Variants in SEC31A observed in about 807,000 individuals in gnomAD.
SEC31A encodes the protein SEC31 homolog A, COPII component, also known as protein transport protein Sec31A.
In SEC31A, 70 loss-of-function variants were observed where a neutral mutation model predicts 151.0. The observed-to-expected ratio is 0.46, with a 90% confidence interval of 0.38 to 0.57. The LOEUF (loss-of-function observed/expected upper bound fraction) is 0.57, where lower values mean the gene tolerates loss of function less well. SEC31A is among the 20% of genes least tolerant of loss of function. SEC31A has a pLI of 0.00. For synonymous variants in SEC31A, 475 were observed against 505.9 expected, an observed-to-expected ratio of 0.94 and a Z score of 0.82; for missense variants, 1,330 against 1,471.2, an observed-to-expected ratio of 0.90 and a Z score of 1.57.
At position 82,857,049 on chromosome 4, in the gene SEC31A, A is replaced by G; in HGVS notation, c.1784T>C (p.Met595Thr). The G allele has an allele frequency of 6.2e-7, 1 of 1,614,134 alleles. No individual in the cohort carries two copies. The highest frequency in any genetic ancestry group is 1.7e-5 in the Admixed American group (1 of 60,016). ...AVDLCLHDNR[M>T]ADAIILAIAG... ...TATGGCCAATATAATGGCATCGGCC[A>G]TGCGGTTATCATGTAAACAAAGGTC... The change falls in exon 16 of 27, where the codon ATG (methionine) becomes ACG (threonine). Residue 595 changes from methionine to threonine, a missense_variant. Transcript: ENST00000395310.
intron 7 of SEC31A, 43 bp downstream of exon 7, chr4:82,871,901 A>G: frequency 1.2e-6 from 2 of 1,613,318 alleles, no homozygotes; most frequent in Non-Finnish European, 1.7e-6. Context: ...CGACATGTTC[A>G]GAAAATAAAC....
chr4:82,849,088 T>A (rs1397700217), intron 19 of SEC31A, 111 bp from the exon 20 acceptor site: 7 of 983,606 alleles, frequency 7.1e-6, no homozygotes, highest in Non-Finnish European at 1.1e-5. Context: ...TTGTTCATAA[T>A]GCTGGGTATT....
At chr4:82,849,031 C>G (rs1730839923) in intron 19 of SEC31A, 54 bp from the exon 20 acceptor site, 2 of 1,471,798 alleles carry the variant, frequency 1.4e-6, no homozygotes, top group South Asian at 2.5e-5. Context: ...AGGTATATGA[C>G]AGCATGTTAA....
intron 12 of SEC31A, 25 bp downstream of exon 12, chr4:82,863,293 C>T (rs1247388611): frequency 2.4e-6 from 3 of 1,275,616 alleles, no homozygotes; most frequent in African/African-American, 3.0e-5. Context: ...AAAGAGCATG[C>T]CATCTAACTT....
At chr4:82,841,487 A>G (rs1450219040) in intron 22 of SEC31A, among the ~76,000 whole-genome samples, 1 of 88,276 alleles carries the variant, frequency 1.1e-5, no homozygotes, top group Admixed American at 1.5e-4. Flanking sequence ...CTAAAAATAC[A>G]AAAATTAGCT....
intron 22 of SEC31A, among the ~76,000 whole-genome samples, chr4:82,839,180 C>T (rs1251822023): frequency 7.3e-5 from 11 of 151,310 alleles, no homozygotes; most frequent in African/African-American, 7.3e-5. Flanking sequence ...GATGGAGTTA[C>T]GCTCTTGTTG....
Position 82,856,984 on chromosome 4 carries a change from A to AT in SEC31A, c.1848dup (p.Tyr617IlefsTer26). On this transcript the variant is annotated frameshift_variant, in exon 16 of 27. Coordinates refer to ENST00000395310, the MANE Select transcript of SEC31A (RefSeq NM_001077207.4). LOFTEE classifies it high-confidence loss of function. Reference sequence around the variant, plus strand: ...ATTTTGCTTTGGGATTTTGCGAAGTATTTTTTCTGGGTTCGAGCCAAGAGT... The same window carrying AT: ...ATTTTGCTTTGGGATTTTGCGAAGTATTTTTTTCTGGGTTCGAGCCAAGAGT... 1.9e-6 allele frequency: 3 copies of AT among 1,609,990 alleles called. No individual in the cohort carries two copies. Among genetic ancestry groups the AT allele is most frequent in the East Asian group, 2.2e-5 (1 of 44,810 alleles).
chr4:82,858,765 C>G (rs948971219), intron 14 of SEC31A, among the ~76,000 whole-genome samples: 3 of 151,112 alleles, frequency 2.0e-5, no homozygotes, highest in Non-Finnish European at 2.9e-5. Flanking sequence ...TGCAGTGGCG[C>G]ACTCTCGGCT....
Position 82,845,990 on chromosome 4 carries a change from T to TTTTG in SEC31A, c.2503-1485_2503-1482dup, listed in dbSNP as rs751476421. On this transcript the variant is annotated intron_variant, in intron 20 of 26. Transcript: ENST00000395310. ...TTGCTTGCCCTAGAGGCCATTGTTTTTTTGTTTGTTTGTTTGTTTGTTTTT... is the reference window on the plus strand; with the variant it reads ...TTGCTTGCCCTAGAGGCCATTGTTTTTTTGTTTGTTTGTTTGTTTGTTTGTTTTT... Among the ~76,000 whole-genome samples, 22 of 152,146 alleles carry TTTTG rather than the reference T, an allele frequency of 1.4e-4. No homozygotes were observed. The East Asian group carries it at 3.1e-3, about 21-fold the overall frequency.
chr4:82,850,301 C>T (rs1030092598), intron 19 of SEC31A, among the ~76,000 whole-genome samples: 1 of 151,900 alleles, frequency 6.6e-6, no homozygotes, highest in Non-Finnish European at 1.5e-5. Context: ...AAAGTCTTAA[C>T]AAAACTAGTA....
intron 19 of SEC31A, among the ~76,000 whole-genome samples, chr4:82,850,104 C>A (rs1439690743): frequency 7.4e-6 from 1 of 135,738 alleles, no homozygotes; most frequent in African/African-American, 3.1e-5. Context: ...AAAGAATGTT[C>A]TTTAAAGTCC....
At chr4:82,846,441 T>C (rs1056119070) in intron 20 of SEC31A, among the ~76,000 whole-genome samples, 1 of 150,458 alleles carries the variant, frequency 6.6e-6, no homozygotes, top group Non-Finnish European at 1.5e-5. Flanking sequence ...TTCAACTGCA[T>C]GGGTCCACTT....
chr4:82,892,026 A>C (rs1360918454), upstream of SEC31A, among the ~76,000 whole-genome samples: 1 of 152,228 alleles, frequency 6.6e-6, no homozygotes, highest in East Asian at 1.9e-4. Context: ...AAGCAGAAGG[A>C]TCCTGCCCCT....
chr4:82,843,775 A>T (rs1037858976), intron 21 of SEC31A: 1 of 152,060 alleles, frequency 6.6e-6, no homozygotes, highest in Non-Finnish European at 1.5e-5. Context: ...ATGTCATTAC[A>T]CATTTGTTAA....
In SEC31A at chr4:82,891,121, T is replaced by C. The variant is rs766066256; in HGVS notation, c.-38A>G. The C allele has an allele frequency of 6.5e-7, 1 of 1,535,882 alleles. No homozygotes were observed. On this transcript the variant is annotated 5_prime_UTR_variant, in exon 1 of 27. Coordinates refer to ENST00000395310, the MANE Select transcript of SEC31A (RefSeq NM_001077207.4). ...GACCTTCGGCAGCCGGATCCTGCGT[T>C]AGTGCAGCGCTCGTCGGACTCTCCC...
chr4:82,888,824 A>G (rs981519002), intron 1 of SEC31A, among the ~76,000 whole-genome samples: 1 of 152,198 alleles, frequency 6.6e-6, no homozygotes, highest in East Asian at 1.9e-4. Context: ...GCTCATTTTC[A>G]AAGTGTAAAT....
At chr4:82,876,217 T>C (rs1481100235) in intron 4 of SEC31A, among the ~76,000 whole-genome samples, 4 of 151,754 alleles carry the variant, frequency 2.6e-5, no homozygotes, top group Non-Finnish European at 5.9e-5. Context: ...TCCAAGTGAT[T>C]CTCCTGCCTC....
intron 21 of SEC31A, 192 bp from the exon 22 acceptor site, chr4:82,842,673 A>G (rs1034093862): frequency 5.7e-6 from 3 of 527,282 alleles, no homozygotes; most frequent in African/African-American, 3.8e-5. Flanking sequence ...CAATAGCTTC[A>G]GTATTTGAAA....
At chr4:82,868,139 C>T (rs1029634541) in intron 8 of SEC31A, among the ~76,000 whole-genome samples, 33 of 152,298 alleles carry the variant, frequency 2.2e-4, no homozygotes, top group African/African-American at 7.7e-4. Flanking sequence ...ACTGCAGAAT[C>T]CTAACAGAAT....
Sources: gnomAD v4.1 joint callset for allele counts (sites outside exome capture counted in the v4.1 genomes callset) on GRCh38, gnomAD v4.1.1 for gene constraint, MANE v1.5 for transcripts, NCBI Gene and HGNC (gene_info 2026-07-23, HGNC 2026-07-21) for gene names.